GRAMD1B: variants seen among roughly 807,000 people sequenced by gnomAD.
GRAMD1B encodes the protein protein Aster-B.
In GRAMD1B, 37 loss-of-function variants were observed where a neutral mutation model predicts 99.7. The ratio of observed to expected loss-of-function variants is 0.37; its 90% CI spans 0.29 to 0.49. The LOEUF (loss-of-function observed/expected upper bound fraction) is 0.49, where lower values mean the gene tolerates loss of function less well. Among genes scored for constraint, GRAMD1B ranks in the 20% least tolerant of loss-of-function variants. The pLI, the probability that GRAMD1B is intolerant of heterozygous loss-of-function variation, is 0.98. For synonymous variants in GRAMD1B, 427 were observed against 387.6 expected, an observed-to-expected ratio of 1.10 and a Z score of -1.19; for missense variants, 888 against 1,009.2, an observed-to-expected ratio of 0.88 and a Z score of 1.63.
intron 1 of GRAMD1B, among the ~76,000 whole-genome samples, chr11:123,479,288 T>C (rs1951462697): frequency 6.6e-6 from 1 of 152,246 alleles, no homozygotes; most frequent in Non-Finnish European, 1.5e-5. Flanking sequence ...TACTTCTTGC[T>C]GGAAGAACGG....
intron 1 of GRAMD1B, among the ~76,000 whole-genome samples, chr11:123,463,560 C>G (rs543642773): frequency 3.1e-4 from 47 of 152,286 alleles, no homozygotes; most frequent in Non-Finnish European, 6.2e-4. Flanking sequence ...TTCTCTCCAC[C>G]ACACGGGCAG....
intron 1 of GRAMD1B, among the ~76,000 whole-genome samples, chr11:123,462,642 A>G (rs1184320480): frequency 3.3e-5 from 5 of 152,262 alleles, no homozygotes; most frequent in East Asian, 1.9e-4. Context: ...GGGACAAAAA[A>G]CCTTAAACTG....
rs564457809 is a variant in GRAMD1B at position 123,521,485 on chromosome 11, T to C, written c.452+40592T>C. Among the ~76,000 whole-genome samples the C allele has an allele frequency of 3.3e-4, 51 of 152,368 alleles. No individual in the cohort carries two copies. In the South Asian group the frequency reaches 4.6e-3, roughly 14 times the overall value. On this transcript the variant is annotated intron_variant, in intron 2 of 19. Transcript: ENST00000635736. ...CATATTTTCTCTTAGAACAGCTTTGTCTTTTCTCTCTATGATCTCTTTGGA... is the reference window on the plus strand; with the variant it reads ...CATATTTTCTCTTAGAACAGCTTTGCCTTTTCTCTCTATGATCTCTTTGGA...
At chr11:123,462,673 C>T (rs962689924) in intron 1 of GRAMD1B, among the ~76,000 whole-genome samples, 14 of 152,106 alleles carry the variant, frequency 9.2e-5, no homozygotes, top group Non-Finnish European at 1.8e-4. Context: ...TTCTCAGATG[C>T]TTGAAGGCAG....
intron 2 of GRAMD1B, among the ~76,000 whole-genome samples, chr11:123,571,526 G>A (rs995966848): frequency 2.0e-5 from 3 of 152,202 alleles, no homozygotes; most frequent in Non-Finnish European, 1.5e-5. Flanking sequence ...AGGGAGCACT[G>A]TTTGCTAGCA....
chr11:123,547,489 C>T (rs1461634237), intron 2 of GRAMD1B, among the ~76,000 whole-genome samples: 1 of 152,198 alleles, frequency 6.6e-6, no homozygotes, highest in Non-Finnish European at 1.5e-5. Context: ...TAGCCTCTTG[C>T]AATGTTTGTG....
intron 2 of GRAMD1B, among the ~76,000 whole-genome samples, chr11:123,540,560 G>A (rs771940059): frequency 6.6e-6 from 1 of 151,704 alleles, no homozygotes; most frequent in East Asian, 1.9e-4. Context: ...AACTAATAAT[G>A]TGAAGAGAAA....
chr11:123,389,546 G>C (rs1030978110), intron 1 of GRAMD1B, among the ~76,000 whole-genome samples: 6 of 152,140 alleles, frequency 3.9e-5, no homozygotes, highest in African/African-American at 1.4e-4. Flanking sequence ...GTCCTGGATG[G>C]AATCCTGGAA....
rs1235608383 is a variant in GRAMD1B, at chr11:123,627,510, G to C, written c.*4915G>C. On this transcript the variant is annotated 3_prime_UTR_variant, in exon 20 of 20. Transcript: ENST00000635736. ...GGATAATCCTGACGTGGGGTGGAGTGGGGTGAGGCAGAGGGAGCAGCCCCA... is the reference window on the plus strand; with the variant it reads ...GGATAATCCTGACGTGGGGTGGAGTCGGGTGAGGCAGAGGGAGCAGCCCCA... 6.6e-6 allele frequency: 1 copy of C among 152,346 alleles called. No homozygotes were observed. Among genetic ancestry groups the C allele is most frequent in the Non-Finnish European group, 1.5e-5 (1 of 68,134 alleles). 9.4% of individuals were successfully genotyped at this position (152,346 alleles called of 1,614,324 possible). A position where few individuals can be genotyped will look rare whatever the true frequency, so the allele number is the denominator to read the frequency against.
intron 1 of GRAMD1B, among the ~76,000 whole-genome samples, chr11:123,422,663 C>T (rs1948489724): frequency 6.6e-6 from 1 of 152,200 alleles, no homozygotes; most frequent in Non-Finnish European, 1.5e-5. Context: ...ATGCTTTCTA[C>T]ACTTGACCTC....
intron 1 of GRAMD1B, among the ~76,000 whole-genome samples, chr11:123,380,495 T>C (rs967272700): frequency 2.6e-5 from 4 of 152,214 alleles, no homozygotes; most frequent in Non-Finnish European, 5.9e-5. Context: ...AGACTAGACA[T>C]CTCCAGAGAC....
rs145091086 is a variant in GRAMD1B, at chr11:123,457,967, C to T, written c.375-22849C>T. On this transcript the variant is annotated intron_variant, in intron 1 of 19. Coordinates refer to ENST00000635736, the MANE Select transcript of GRAMD1B (RefSeq NM_001387025.1). Reference sequence around the variant, plus strand: ...CTGGGCTCAAGGAATCCTCCTGCCTCGGCCTCCCAAAATGTTGGGATTACA... The same window carrying T: ...CTGGGCTCAAGGAATCCTCCTGCCTTGGCCTCCCAAAATGTTGGGATTACA... Among the ~76,000 whole-genome samples the T allele has an allele frequency of 1.6e-4, 24 of 152,334 alleles. No homozygotes were observed. The East Asian group carries it at 1.7e-3, about 11-fold the overall frequency.
At chr11:123,474,154 C>T (rs1345388184) in intron 1 of GRAMD1B, among the ~76,000 whole-genome samples, 1 of 152,204 alleles carries the variant, frequency 6.6e-6, no homozygotes, top group Non-Finnish European at 1.5e-5. Context: ...AGATATCCAC[C>T]ATTTATGATA....
chr11:123,542,736 T>G (rs567471680), intron 2 of GRAMD1B, among the ~76,000 whole-genome samples: 1 of 152,302 alleles, frequency 6.6e-6, no homozygotes, highest in East Asian at 1.9e-4. Flanking sequence ...CATTGCAACC[T>G]CCGCCTCCTG....
intron 1 of GRAMD1B, among the ~76,000 whole-genome samples, chr11:123,368,278 AG>A (rs1433322311): frequency 6.7e-6 from 1 of 149,840 alleles, no homozygotes; most frequent in Admixed American, 6.6e-5. Flanking sequence ...AAAAAAAAAA[AG>A]AAAGAAAGAG....
intron 2 of GRAMD1B, among the ~76,000 whole-genome samples, chr11:123,484,699 C>T (rs2134904893): frequency 6.6e-6 from 1 of 152,218 alleles, no homozygotes; most frequent in Middle Eastern, 3.4e-3. Context: ...CAGAAATTGG[C>T]TCTAGTATGT....
At chr11:123,546,245 G>A (rs1945031296) in intron 2 of GRAMD1B, among the ~76,000 whole-genome samples, 1 of 152,208 alleles carries the variant, frequency 6.6e-6, no homozygotes, top group South Asian at 2.1e-4. Context: ...GTGTCTGTGG[G>A]GGATCGGGGT....
chr11:123,626,481 G>A lies in GRAMD1B; in HGVS notation c.*3886G>A, dbSNP rs1041103717. The A allele has an allele frequency of 6.6e-6, 1 of 152,002 alleles. No homozygotes were observed. Among genetic ancestry groups the A allele is most frequent in the African/African-American group, 2.4e-5 (1 of 41,354 alleles). 9.4% of individuals were successfully genotyped at this position (152,002 alleles called of 1,614,324 possible). On this transcript the variant is annotated 3_prime_UTR_variant, in exon 20 of 20. Coordinates refer to ENST00000635736, the MANE Select transcript of GRAMD1B (RefSeq NM_001387025.1). ...TTTCTGGATGCTTGTGGTCCCAGAA[G>A]GGTACTTTCTGTGTCATACCATGCC... is the stretch of plus-strand genomic sequence containing the variant.
At chr11:123,541,396 C>T (rs1027793779) in intron 2 of GRAMD1B, among the ~76,000 whole-genome samples, 3 of 152,112 alleles carry the variant, frequency 2.0e-5, no homozygotes, top group South Asian at 2.1e-4. Context: ...TTCCTTGCCT[C>T]GGTATTTCCA....
Sources: allele counts gnomAD v4.1 joint callset (sites outside exome capture counted in the v4.1 genomes callset), GRCh38; gene constraint gnomAD v4.1.1; transcripts MANE v1.5; gene names NCBI Gene and HGNC (gene_info 2026-07-23, HGNC 2026-07-21).